Variants in PTPRD observed in about 807,000 individuals in gnomAD.
PTPRD encodes protein tyrosine phosphatase receptor type D.
Under a neutral mutation model 214.5 loss-of-function variants are expected in PTPRD, and 34 were observed. That is an observed-to-expected ratio of 0.16 (90% confidence interval 0.12 to 0.21). PTPRD has a LOEUF of 0.21. Among genes scored for constraint, PTPRD ranks in the 10% least tolerant of loss-of-function variants. The pLI is 1.00. For missense variants in PTPRD, 2,545 were observed against 2,398.7 expected (o/e 1.06, Z -1.27); for synonymous variants, 1,128 against 845.7 (o/e 1.33, Z -5.79).
chr9:9,499,479 C>G (rs1378024961), intron 8 of PTPRD, among the ~76,000 whole-genome samples: 2 of 152,062 alleles, frequency 1.3e-5, no homozygotes, highest in Admixed American at 6.6e-5. Flanking sequence ...TTTACTTCAG[C>G]TATCATATTT....
At chr9:9,025,601 T>A (rs1466506368) in intron 10 of PTPRD, among the ~76,000 whole-genome samples, 1 of 152,008 alleles carries the variant, frequency 6.6e-6, no homozygotes, top group Non-Finnish European at 1.5e-5. Context: ...AAATAAAATA[T>A]CTTACTTTAC....
chr9:8,818,873 G>C (rs1000869792), intron 11 of PTPRD, among the ~76,000 whole-genome samples: 1 of 152,000 alleles, frequency 6.6e-6, no homozygotes, highest in Non-Finnish European at 1.5e-5. Context: ...CTGTTTGTTC[G>C]TACAACAGAT....
chr9:10,600,844 A>C (rs1258165817), intron 2 of PTPRD, among the ~76,000 whole-genome samples: 1 of 151,790 alleles, frequency 6.6e-6, no homozygotes, highest in Admixed American at 6.6e-5. Flanking sequence ...CTGAAATCAG[A>C]TTCAAAATTA....
chr9:9,860,887 C>T (rs2062592202), intron 5 of PTPRD, among the ~76,000 whole-genome samples: 1 of 152,096 alleles, frequency 6.6e-6, no homozygotes, highest in South Asian at 2.1e-4. Context: ...CACAAAATTG[C>T]TATACTCAGC....
intron 12 of PTPRD, among the ~76,000 whole-genome samples, chr9:8,681,923 G>A (rs2097557661): frequency 6.6e-6 from 1 of 152,060 alleles, no homozygotes; most frequent in Non-Finnish European, 1.5e-5. Flanking sequence ...AGCTCTAAAA[G>A]GTGCTGAACA....
chr9:10,364,546 C>T (rs1174325663), intron 2 of PTPRD, among the ~76,000 whole-genome samples: 1 of 152,156 alleles, frequency 6.6e-6, no homozygotes. Context: ...TCTCTTTATG[C>T]ATTTCTTAGA....
Position 9,938,520 on chromosome 9 carries a change from C to T in PTPRD, c.-381G>A, listed in dbSNP as rs2090364601. ...TACTGAACTCACCTGGAGCCGAAGCCCATCGCTTCCCTCGGTGCCAACATG... is the reference window on the plus strand; with the variant it reads ...TACTGAACTCACCTGGAGCCGAAGCTCATCGCTTCCCTCGGTGCCAACATG... On this transcript the variant is annotated 5_prime_UTR_variant, in exon 5 of 46. Coordinates refer to ENST00000381196, the MANE Select transcript of PTPRD (RefSeq NM_002839.4). The T allele has an allele frequency of 6.6e-6, 1 of 152,042 alleles. No homozygotes were observed. Among genetic ancestry groups the T allele is most frequent in the Admixed American group, 6.6e-5 (1 of 15,254 alleles). 9.4% of individuals were successfully genotyped at this position (152,042 alleles called of 1,614,324 possible). A position where few individuals can be genotyped will look rare whatever the true frequency, so the allele number is the denominator to read the frequency against.
chr9:8,948,553 T>TATTTA (rs1588666378), intron 11 of PTPRD, among the ~76,000 whole-genome samples: 12 of 74,098 alleles, frequency 1.6e-4, no homozygotes, highest in East Asian at 4.2e-4. Context: ...TTATATATAT[T>TATTTA]TATATATATT....
chr9:9,171,320 A>G (rs2099915708), intron 10 of PTPRD, among the ~76,000 whole-genome samples: 1 of 150,588 alleles, frequency 6.6e-6, no homozygotes, highest in Non-Finnish European at 1.5e-5. Context: ...GGGATGGAGT[A>G]TTGCTAATTA....
intron 38 of PTPRD, 54 bp downstream of exon 38, chr9:8,376,553 C>CT: frequency 6.2e-7 from 1 of 1,608,906 alleles, no homozygotes; most frequent in Non-Finnish European, 8.5e-7. Flanking sequence ...TCAAAAGAAG[C>CT]TTTCTTTAAA....
intron 10 of PTPRD, among the ~76,000 whole-genome samples, chr9:9,067,806 G>C (rs989278181): frequency 1.3e-5 from 2 of 152,048 alleles, no homozygotes; most frequent in Non-Finnish European, 2.9e-5. Flanking sequence ...ATCTTGTCTA[G>C]ATTTTTTTAG....
intron 3 of PTPRD, among the ~76,000 whole-genome samples, chr9:10,099,154 G>C (rs948358280): frequency 6.6e-6 from 1 of 151,684 alleles, no homozygotes; most frequent in African/African-American, 2.4e-5. Context: ...TTAATTTCAA[G>C]ATTATTTTTT....
chr9:9,164,553 C>T (rs2099897790), intron 10 of PTPRD, among the ~76,000 whole-genome samples: 6 of 152,046 alleles, frequency 3.9e-5, no homozygotes, highest in Admixed American at 3.3e-4. Flanking sequence ...TATTATACTG[C>T]CTTTCATACT....
At chr9:10,286,337 G>A (rs988930595) in intron 3 of PTPRD, among the ~76,000 whole-genome samples, 4 of 152,136 alleles carry the variant, frequency 2.6e-5, no homozygotes, top group Non-Finnish European at 5.9e-5. Flanking sequence ...AGTTACTCAG[G>A]AAGTTGAGGC....
chr9:9,040,931 C>T (rs1421990106), intron 10 of PTPRD, among the ~76,000 whole-genome samples: 2 of 152,062 alleles, frequency 1.3e-5, no homozygotes, highest in Admixed American at 1.3e-4. Flanking sequence ...AGAACTGGTC[C>T]TACCTTCTCA....
intron 5 of PTPRD, among the ~76,000 whole-genome samples, chr9:9,802,770 G>C (rs2099049560): frequency 1.3e-5 from 2 of 151,670 alleles, no homozygotes; most frequent in South Asian, 4.2e-4. Context: ...TATATTATCT[G>C]AGGACTTCTA....
chr9:10,572,494 G>C (rs1275471263), intron 2 of PTPRD, among the ~76,000 whole-genome samples: 1 of 152,090 alleles, frequency 6.6e-6, no homozygotes, highest in East Asian at 1.9e-4. Flanking sequence ...GGTAAAGTGG[G>C]ACAAAGAATG....
intron 2 of PTPRD, among the ~76,000 whole-genome samples, chr9:10,545,150 A>T (rs1482959582): frequency 6.6e-6 from 1 of 152,184 alleles, no homozygotes; most frequent in Non-Finnish European, 1.5e-5. Context: ...TGTGGTTTCT[A>T]TGGAGCCCCT....
At chr9:10,421,748 C>T (rs541805687) in intron 2 of PTPRD, among the ~76,000 whole-genome samples, 38 of 151,874 alleles carry the variant, frequency 2.5e-4, no homozygotes, top group South Asian at 2.3e-3. Flanking sequence ...TTGTTATTTT[C>T]GTTTACTTTA....
Sources: allele counts gnomAD v4.1 joint callset (sites outside exome capture counted in the v4.1 genomes callset), GRCh38; gene constraint gnomAD v4.1.1; transcripts MANE v1.5; gene names NCBI Gene and HGNC (gene_info 2026-07-23, HGNC 2026-07-21).